NELL1: variants seen among roughly 807,000 people sequenced by gnomAD.
NELL1 encodes the protein neural EGFL like 1.
Under a neutral mutation model 107.4 loss-of-function variants are expected in NELL1, and 76 were observed. That is an observed-to-expected ratio of 0.71 (90% confidence interval 0.59 to 0.86). The LOEUF (loss-of-function observed/expected upper bound fraction) is 0.86, where lower values mean the gene tolerates loss of function less well. Among genes scored for constraint, NELL1 ranks in the 40% least tolerant of loss-of-function variants. The probability of loss-of-function intolerance (pLI) is 0.00; values close to 1 mark genes in which losing one functional copy is unlikely to be tolerated. For synonymous variants in NELL1, 353 were observed against 341.2 expected, an observed-to-expected ratio of 1.03 and a Z score of -0.38; for missense variants, 1,024 against 1,005.5, an observed-to-expected ratio of 1.02 and a Z score of -0.25.
intron 12 of NELL1, among the ~76,000 whole-genome samples, chr11:20,967,859 G>T (rs867897930): frequency 1.2e-4 from 18 of 152,124 alleles, no homozygotes; most frequent in African/African-American, 3.9e-4. Context: ...TTGGTCCTGT[G>T]TCAGGCCCTA....
intron 2 of NELL1, among the ~76,000 whole-genome samples, chr11:20,704,936 C>T (rs986264482): frequency 6.6e-6 from 1 of 152,018 alleles, no homozygotes; most frequent in Non-Finnish European, 1.5e-5. Flanking sequence ...AATAAAATAC[C>T]TAGGAATCCA....
At chr11:20,892,791 TGG>T (rs1443671739) in intron 5 of NELL1, among the ~76,000 whole-genome samples, 1 of 152,108 alleles carries the variant, frequency 6.6e-6, no homozygotes, top group Non-Finnish European at 1.5e-5. Flanking sequence ...TAGCCGGGTG[TGG>T]CGGCACGCGC....
intron 13 of NELL1, among the ~76,000 whole-genome samples, chr11:21,142,516 T>C (rs538281845): frequency 2.6e-5 from 4 of 152,326 alleles, no homozygotes; most frequent in African/African-American, 9.6e-5. Context: ...AGGTTTCCAT[T>C]TTGCGGGCTT....
intron 15 of NELL1, among the ~76,000 whole-genome samples, chr11:21,435,008 C>T (rs888025897): frequency 2.0e-5 from 3 of 152,008 alleles, no homozygotes; most frequent in Admixed American, 6.6e-5. Context: ...ATAAATACTA[C>T]TAAGATTTGT....
At chr11:20,923,394 C>T (rs1297312604) in intron 7 of NELL1, among the ~76,000 whole-genome samples, 2 of 152,170 alleles carry the variant, frequency 1.3e-5, no homozygotes, top group Non-Finnish European at 2.9e-5. Flanking sequence ...TTGAGGAATT[C>T]TGGCATTTTG....
chr11:20,793,945 C>T (rs1159677281), intron 3 of NELL1, among the ~76,000 whole-genome samples: 2 of 152,054 alleles, frequency 1.3e-5, no homozygotes, highest in Non-Finnish European at 2.9e-5. Context: ...TAGATAAATA[C>T]AGACATATGA....
chr11:20,951,249 G>C (rs568651306), intron 11 of NELL1, among the ~76,000 whole-genome samples: 4 of 152,224 alleles, frequency 2.6e-5, no homozygotes, highest in African/African-American at 7.2e-5. Flanking sequence ...CCATTTTTCT[G>C]AGTTATAACT....
intron 14 of NELL1, among the ~76,000 whole-genome samples, chr11:21,287,363 A>G (rs1195967490): frequency 6.6e-6 from 1 of 152,140 alleles, no homozygotes. Flanking sequence ...CTATTTTCAC[A>G]ATGCATCCAG....
chr11:20,814,113 A>G (rs987056456), intron 3 of NELL1, among the ~76,000 whole-genome samples: 1 of 151,690 alleles, frequency 6.6e-6, no homozygotes, highest in Non-Finnish European at 1.5e-5. Flanking sequence ...CTCCTGCCTC[A>G]GCCTCCCGAG....
At chr11:21,059,025 T>C (rs993081103) in intron 12 of NELL1, among the ~76,000 whole-genome samples, 2 of 152,194 alleles carry the variant, frequency 1.3e-5, no homozygotes, top group Non-Finnish European at 2.9e-5. Flanking sequence ...TGATCTTCTC[T>C]GTTTGAGTAC....
At chr11:21,285,867 T>A (rs945469865) in intron 14 of NELL1, among the ~76,000 whole-genome samples, 3 of 152,248 alleles carry the variant, frequency 2.0e-5, no homozygotes, top group Non-Finnish European at 4.4e-5. Flanking sequence ...TAGTATTTTT[T>A]AAAGTTATAG....
chr11:21,464,475 A>C (rs1370609152), intron 15 of NELL1, among the ~76,000 whole-genome samples: 1 of 151,566 alleles, frequency 6.6e-6, no homozygotes, highest in African/African-American at 2.4e-5. Flanking sequence ...AACAGTCTGT[A>C]GTTATTCTTT....
At chr11:21,103,064 G>A (rs1316908668) in intron 12 of NELL1, among the ~76,000 whole-genome samples, 2 of 152,132 alleles carry the variant, frequency 1.3e-5, no homozygotes, top group East Asian at 1.9e-4. Flanking sequence ...AGTACATTTA[G>A]CTGATCATCA....
chr11:21,302,749 G>A (rs1185761647), intron 14 of NELL1, among the ~76,000 whole-genome samples: 1 of 151,782 alleles, frequency 6.6e-6, no homozygotes, highest in Admixed American at 6.6e-5. Context: ...TAGGTTCTGT[G>A]GGAGAAAACA....
chr11:21,486,233 C>T (rs1174086294), intron 15 of NELL1, among the ~76,000 whole-genome samples: 4 of 151,984 alleles, frequency 2.6e-5, no homozygotes, highest in Non-Finnish European at 5.9e-5. Flanking sequence ...CACAGACAGG[C>T]ATGCTCAGCT....
At chr11:20,926,246 GT>G (rs888531727) in intron 7 of NELL1, among the ~76,000 whole-genome samples, 1 of 152,064 alleles carries the variant, frequency 6.6e-6, no homozygotes, top group Non-Finnish European at 1.5e-5. Context: ...TGTATTTAGG[GT>G]TTTTTTGCAC....
intron 15 of NELL1, among the ~76,000 whole-genome samples, chr11:21,480,816 T>A (rs1854474126): frequency 6.6e-6 from 1 of 152,222 alleles, no homozygotes; most frequent in Non-Finnish European, 1.5e-5. Context: ...TGCTTCATTT[T>A]AATTTTGTGC....
intron 4 of NELL1, among the ~76,000 whole-genome samples, chr11:20,877,304 C>T (rs1374478194): frequency 6.6e-6 from 1 of 152,212 alleles, no homozygotes; most frequent in Non-Finnish European, 1.5e-5. Context: ...CATTTACTGT[C>T]TCATTTGGGC....
intron 4 of NELL1, among the ~76,000 whole-genome samples, chr11:20,873,101 G>T (rs1176937246): frequency 1.3e-5 from 2 of 152,116 alleles, no homozygotes; most frequent in Non-Finnish European, 2.9e-5. Flanking sequence ...AATAATATGG[G>T]TTTGCACTAA....
Sources: gnomAD v4.1 joint callset for allele counts (sites outside exome capture counted in the v4.1 genomes callset) on GRCh38, gnomAD v4.1.1 for gene constraint, MANE v1.5 for transcripts, NCBI Gene and HGNC (gene_info 2026-07-23, HGNC 2026-07-21) for gene names.